Variants in XIRP2 observed in about 807,000 individuals in gnomAD.
XIRP2 encodes the protein xin actin binding repeat containing 2.
In XIRP2, 236 loss-of-function variants were observed where a neutral mutation model predicts 277.0. The ratio of observed to expected loss-of-function variants is 0.85; its 90% CI spans 0.77 to 0.95. The LOEUF (loss-of-function observed/expected upper bound fraction) is 0.95. Ranked by LOEUF, XIRP2 falls within the 40% of genes least tolerant of loss-of-function variation. The probability of loss-of-function intolerance (pLI) is 0.00; values close to 1 mark genes in which losing one functional copy is unlikely to be tolerated. For missense variants in XIRP2, 4,640 were observed against 4,157.5 expected (o/e 1.12, Z -3.19); for synonymous variants, 1,490 against 1,416.5 (o/e 1.05, Z -1.17).
intron 2 of XIRP2, among the ~76,000 whole-genome samples, chr2:167,076,036 CAGG>C (rs2105256230): frequency 6.6e-6 from 1 of 152,134 alleles, no homozygotes; most frequent in South Asian, 2.1e-4. Flanking sequence ...CAGTTTTTTA[CAGG>C]AGTTTTCTTC....
chr2:167,159,265 C>T (rs894592161), intron 3 of XIRP2, among the ~76,000 whole-genome samples: 5 of 152,130 alleles, frequency 3.3e-5, no homozygotes, highest in Admixed American at 6.5e-5. Context: ...CTCTGGAGTC[C>T]TCCGCCATCA....
intron 2 of XIRP2, among the ~76,000 whole-genome samples, chr2:167,091,354 C>T (rs1690142136): frequency 6.6e-6 from 1 of 152,098 alleles, no homozygotes; most frequent in Non-Finnish European, 1.5e-5. Context: ...TCCTCTATGT[C>T]CCTTATGCAC....
intron 3 of XIRP2, among the ~76,000 whole-genome samples, chr2:167,177,669 A>T (rs1692886173): frequency 6.6e-6 from 1 of 152,184 alleles, no homozygotes; most frequent in African/African-American, 2.4e-5. Flanking sequence ...ATATTCATAT[A>T]AATTTAAATA....
At chr2:167,063,728 T>C (rs1689229204) in intron 2 of XIRP2, among the ~76,000 whole-genome samples, 1 of 151,838 alleles carries the variant, frequency 6.6e-6, no homozygotes, top group South Asian at 2.1e-4. Context: ...TTGTCTCATA[T>C]TAATATAGGT....
intron 2 of XIRP2, among the ~76,000 whole-genome samples, chr2:167,001,802 C>A (rs1444400000): frequency 6.6e-6 from 1 of 152,020 alleles, no homozygotes; most frequent in African/African-American, 2.4e-5. Flanking sequence ...CTTTATAATT[C>A]TCTAAATGTA....
chr2:167,054,101 T>C (rs559649282), intron 2 of XIRP2, among the ~76,000 whole-genome samples: 4 of 152,328 alleles, frequency 2.6e-5, no homozygotes, highest in Admixed American at 6.5e-5. Flanking sequence ...AACCTCTTAA[T>C]ATTTGATTAG....
At chr2:166,938,749 T>A (rs1342665920) in intron 2 of XIRP2, among the ~76,000 whole-genome samples, 1 of 152,210 alleles carries the variant, frequency 6.6e-6, no homozygotes, top group African/African-American at 2.4e-5. Context: ...TGTAGGTCTC[T>A]AAGGAATTGC....
chr2:166,986,955 A>G (rs1486846459), intron 2 of XIRP2, among the ~76,000 whole-genome samples: 1 of 152,308 alleles, frequency 6.6e-6, no homozygotes, highest in East Asian at 1.9e-4. Flanking sequence ...ACTTTCTTAT[A>G]TAATTTATTT....
chr2:166,904,981 C>G (rs893389317), intron 2 of XIRP2, among the ~76,000 whole-genome samples: 2 of 151,938 alleles, frequency 1.3e-5, no homozygotes, highest in Non-Finnish European at 2.9e-5. Flanking sequence ...TCTTGAAAAT[C>G]AAGTAACTCT....
chr2:167,060,976 T>C (rs1479791849), intron 2 of XIRP2, among the ~76,000 whole-genome samples: 1 of 152,126 alleles, frequency 6.6e-6, no homozygotes, highest in East Asian at 1.9e-4. Context: ...ATCTGAACTA[T>C]GTTGAACCTT....
intron 2 of XIRP2, among the ~76,000 whole-genome samples, chr2:167,051,744 A>G (rs1688920051): frequency 6.6e-6 from 1 of 152,104 alleles, no homozygotes; most frequent in South Asian, 2.1e-4. Flanking sequence ...ATATATACAG[A>G]CAAAGATATT....
At chr2:166,919,150 G>A (rs953009581) in intron 2 of XIRP2, among the ~76,000 whole-genome samples, 4 of 151,998 alleles carry the variant, frequency 2.6e-5, no homozygotes, top group African/African-American at 9.7e-5. Flanking sequence ...AGTGTATTAT[G>A]TATTTCATAA....
intron 2 of XIRP2, among the ~76,000 whole-genome samples, chr2:166,973,758 C>T (rs1423972071): frequency 6.6e-6 from 1 of 152,030 alleles, no homozygotes; most frequent in African/African-American, 2.4e-5. Context: ...TCATTTATGT[C>T]GTTAAAGAAG....
chr2:167,208,481 G>C (rs1693922907), intron 3 of XIRP2, among the ~76,000 whole-genome samples: 1 of 152,088 alleles, frequency 6.6e-6, no homozygotes. Flanking sequence ...CTAATTTTTT[G>C]TATTTTTTAG....
chr2:166,903,872 A>T lies in XIRP2; in HGVS notation c.390A>T (p.Pro130=). The T allele has an allele frequency of 6.2e-7, 1 of 1,613,044 alleles. No homozygotes were observed. Among genetic ancestry groups the T allele is most frequent in the Non-Finnish European group, 8.5e-7 (1 of 1,179,276 alleles). The change falls in exon 2 of 11, where the codon CCA becomes CCT. Residue 130 remains proline, a synonymous_variant. Transcript: ENST00000409195. ...VFEAPKSGNK[P]AEYGGKEVEI... is the part of the protein sequence containing the mutation. ...AGGCTCCTAAGAGTGGAAACAAACC[A>T]GCTGAGTACGGTGGAAAGGTAAGGA...
chr2:166,983,116 C>G (rs998253171), intron 2 of XIRP2, among the ~76,000 whole-genome samples: 32 of 152,084 alleles, frequency 2.1e-4, no homozygotes, highest in African/African-American at 7.7e-4. Flanking sequence ...AAGTTTGATT[C>G]AATATGAGCT....
At chr2:167,145,327 G>C (rs997571218) in intron 3 of XIRP2, among the ~76,000 whole-genome samples, 8 of 152,016 alleles carry the variant, frequency 5.3e-5, no homozygotes, top group African/African-American at 1.9e-4. Context: ...CCAAATGGAA[G>C]GGGAAATAAT....
intron 3 of XIRP2, among the ~76,000 whole-genome samples, chr2:167,136,325 G>A (rs1221054636): frequency 6.6e-6 from 1 of 152,030 alleles, no homozygotes; most frequent in Non-Finnish European, 1.5e-5. Flanking sequence ...CAGTATTAGA[G>A]GTTTGAAACA....
intron 2 of XIRP2, among the ~76,000 whole-genome samples, chr2:166,924,342 A>G (rs79196552): frequency 0.076 from 11,524 of 152,072 alleles, 1,014 homozygotes; most frequent in East Asian, 0.49. Context: ...CAGAATTGTT[A>G]GCACTCTGTG....
Sources: gnomAD v4.1 joint callset for allele counts (sites outside exome capture counted in the v4.1 genomes callset) on GRCh38, gnomAD v4.1.1 for gene constraint, MANE v1.5 for transcripts, NCBI Gene and HGNC (gene_info 2026-07-23, HGNC 2026-07-21) for gene names.